UBE2W: variants seen among roughly 807,000 people sequenced by gnomAD.
The protein encoded by UBE2W is ubiquitin conjugating enzyme E2 W.
In UBE2W, 18 loss-of-function variants were observed where a neutral mutation model predicts 27.2. The ratio of observed to expected loss-of-function variants is 0.66; its 90% CI spans 0.46 to 0.98. UBE2W has a LOEUF of 0.98. UBE2W is among the 50% of genes least tolerant of loss of function. The pLI is 0.00. For missense variants in UBE2W, 90 were observed against 180.2 expected (o/e 0.50, Z 2.87); for synonymous variants, 53 against 57.2 (o/e 0.93, Z 0.33).
chr8:73,842,324 T>C (rs914572828), intron 1 of UBE2W, among the ~76,000 whole-genome samples: 5 of 151,624 alleles, frequency 3.3e-5, no homozygotes, highest in African/African-American at 9.7e-5. Flanking sequence ...GTCAGGAGAT[T>C]GAGACCATCC....
In UBE2W at chr8:73,865,519, G is replaced by A. The variant is rs114912812; in HGVS notation, c.15+13289C>T. Among the ~76,000 whole-genome samples the A allele has an allele frequency of 7.6e-3, 1,154 of 152,276 alleles. 21 individuals carry two copies. Among genetic ancestry groups the A allele is most frequent in the African/African-American group, 0.027 (1,120 of 41,560 alleles). On this transcript the variant is annotated intron_variant, in intron 1 of 5. Transcript: ENST00000602593. ...CTCAGTTACTCAGCAGGCTGAGGTG[G>A]GAGAATCGCTTGGGTCCAGGAGGCC...
In UBE2W at chr8:73,878,097, G is replaced by A. The variant is rs575510404; in HGVS notation, c.15+711C>T. Among the ~76,000 whole-genome samples, 5 of 152,332 alleles carry A rather than the reference G, an allele frequency of 3.3e-5. No homozygotes were observed. The East Asian group carries it at 7.7e-4, about 24-fold the overall frequency. ...CAAGCTATCCCGAGAGGTTTAAGGG[G>A]GCTGAGGACTCGGCTCTCGGGAGAT... is the stretch of plus-strand genomic sequence containing the variant. On this transcript the variant is annotated intron_variant, in intron 1 of 5. Transcript: ENST00000602593.
At chr8:73,818,451 A>G (rs528740564) in intron 3 of UBE2W, among the ~76,000 whole-genome samples, 1 of 152,312 alleles carries the variant, frequency 6.6e-6, no homozygotes, top group African/African-American at 2.4e-5. Context: ...AACTTTAAAT[A>G]GGACTATATC....
chr8:73,814,339 C>T (rs574971095), intron 3 of UBE2W, among the ~76,000 whole-genome samples: 4 of 152,096 alleles, frequency 2.6e-5, no homozygotes, highest in South Asian at 2.1e-4. Context: ...AGCAACTTTG[C>T]GAATGTATTC....
chr8:73,828,424 C>T (rs1425359698), intron 2 of UBE2W, among the ~76,000 whole-genome samples: 1 of 152,158 alleles, frequency 6.6e-6, no homozygotes, highest in African/African-American at 2.4e-5. Flanking sequence ...CACTGCACTG[C>T]CTTGACAAAC....
rs1295603022 is a variant in UBE2W at position 73,805,462 on chromosome 8, AAAAAAAAAAC to A, written c.442+179_442+188del. Among the ~76,000 whole-genome samples, 25 of 132,812 alleles carry A rather than the reference AAAAAAAAAAC, an allele frequency of 1.9e-4. 2 individuals carry two copies. Among genetic ancestry groups the A allele is most frequent in the East Asian group, 4.1e-4 (2 of 4,886 alleles). The allele number at this position is 132,812 out of a possible 152,430, so 87.1% of individuals were successfully genotyped here. ...AGAGCAAAACTCCATCTCAAAAAAA[AAAAAAAAAAC>A]AAAAAAAACTAGGGTAATTCATCCA... is the stretch of plus-strand genomic sequence containing the variant. On this transcript the variant is annotated intron_variant, in intron 5 of 5. Coordinates refer to ENST00000602593, the MANE Select transcript of UBE2W (RefSeq NM_018299.6).
intron 1 of UBE2W, among the ~76,000 whole-genome samples, chr8:73,850,757 A>C: frequency 1.3e-5 from 2 of 149,204 alleles, no homozygotes; most frequent in South Asian, 2.1e-4. Flanking sequence ...AAAACAGGAC[A>C]CAGAAGGGGC....
At position 73,793,852 on chromosome 8, in the gene UBE2W, G is replaced by A. The variant is rs1173393048; in HGVS notation, c.*250C>T. 8.2e-7 allele frequency: 1 copy of A among 1,223,408 alleles called. No homozygotes were observed. Among genetic ancestry groups the A allele is most frequent in the African/African-American group, 1.6e-5 (1 of 63,868 alleles). The allele number at this position is 1,223,408 out of a possible 1,614,324, so 75.8% of individuals were successfully genotyped here. On this transcript the variant is annotated 3_prime_UTR_variant, in exon 6 of 6. Coordinates refer to ENST00000602593, the MANE Select transcript of UBE2W (RefSeq NM_018299.6). ...CTTAAAAAAATAAAAATAAAAAATG[G>A]AATTATATTTGACATTTCCTGACAC...
chr8:73,878,751 C>A, intron 1 of UBE2W, 57 bp downstream of exon 1: 1 of 1,465,474 alleles, frequency 6.8e-7, no homozygotes, highest in Non-Finnish European at 9.3e-7. Flanking sequence ...CCCGCCCGAA[C>A]GCTGGCACTC....
intron 5 of UBE2W, among the ~76,000 whole-genome samples, chr8:73,805,430 G>A (rs143417046): frequency 0.19 from 5,357 of 28,794 alleles, 165 homozygotes; most frequent in Non-Finnish European, 0.26. Context: ...CTCCAGCCTG[G>A]GCAACAAGAG....
chr8:73,810,694 C>A, intron 3 of UBE2W, 65 bp from the exon 4 acceptor site: 1 of 1,273,104 alleles, frequency 7.9e-7, no homozygotes, highest in Non-Finnish European at 1.0e-6. Context: ...AAAATATTCT[C>A]CACATATAAC....
At chr8:73,847,600 C>T (rs1339053266) in intron 1 of UBE2W, among the ~76,000 whole-genome samples, 4 of 150,936 alleles carry the variant, frequency 2.7e-5, no homozygotes, top group East Asian at 3.9e-4. Context: ...CCATCATCAA[C>T]GGTAAAACGG....
chr8:73,787,692 C>T lies in UBE2W; in HGVS notation c.*6410G>A, dbSNP rs1808014486. ...CCCTTCTTGTGGTTATTTCTTTCCT[C>T]TTCTTGCAGCTTCAAGAGTCACTCA... On this transcript the variant is annotated 3_prime_UTR_variant, in exon 6 of 6. Transcript: ENST00000602593. The T allele has an allele frequency of 2.0e-6, 2 of 985,408 alleles. No homozygotes were observed. Among genetic ancestry groups the T allele is most frequent in the South Asian group, 9.4e-5 (2 of 21,286 alleles). The allele number at this position is 985,408 out of a possible 1,614,324, so 61.0% of individuals were successfully genotyped here.
At chr8:73,782,738 A>T (rs1264618481), downstream of UBE2W, among the ~76,000 whole-genome samples, 1 of 152,220 alleles carries the variant, frequency 6.6e-6, no homozygotes, top group Non-Finnish European at 1.5e-5. Flanking sequence ...ACATTAGTGT[A>T]CAAGGCCTTT....
At chr8:73,805,455 A>AAAAAAAAACAAAAAAC (rs1808838761) in intron 5 of UBE2W, among the ~76,000 whole-genome samples, 196 bp downstream of exon 5, 1 of 29,524 alleles carries the variant, frequency 3.4e-5, no homozygotes, top group East Asian at 2.2e-3. Context: ...ACTCCATCTC[A>AAAAAAAAACAAAAAAC]AAAAAAAAAA....
In UBE2W at chr8:73,787,421, T is replaced by A; in HGVS notation, c.*6681A>T. ...ACTATGGAAAGTAGAAATTAAGGAT[T>A]ATAATAAAGGAAAAGGGCATCATCA... On this transcript the variant is annotated 3_prime_UTR_variant, in exon 6 of 6. Coordinates refer to ENST00000602593, the MANE Select transcript of UBE2W (RefSeq NM_018299.6). 1 of 985,358 alleles carries A rather than the reference T, an allele frequency of 1.0e-6. No individual in the cohort carries two copies. Among genetic ancestry groups the A allele is most frequent in the African/African-American group, 1.7e-5 (1 of 57,324 alleles). 61.0% of individuals were successfully genotyped at this position (985,358 alleles called of 1,614,324 possible).
chr8:73,788,662 C>T lies in UBE2W; in HGVS notation c.*5440G>A, dbSNP rs1022542989. 3 of 985,248 alleles carry T rather than the reference C, an allele frequency of 3.0e-6. No individual in the cohort carries two copies. The highest frequency in any genetic ancestry group is 6.2e-5 in the Admixed American group (1 of 16,252). The allele number at this position is 985,248 out of a possible 1,614,324, so 61.0% of individuals were successfully genotyped here. ...AGGATTATTAAATCTTTCCATACAC[C>T]AGAAAATCTGACAAGTGATGTCATT... On this transcript the variant is annotated 3_prime_UTR_variant, in exon 6 of 6. Transcript: ENST00000602593.
intron 1 of UBE2W, among the ~76,000 whole-genome samples, chr8:73,856,810 A>C (rs1036325567): frequency 6.6e-6 from 1 of 151,856 alleles, no homozygotes; most frequent in Non-Finnish European, 1.5e-5. Flanking sequence ...GGTTCAAGCC[A>C]TTCTTGTGCC....
In UBE2W at chr8:73,865,510, G is replaced by T. The variant is rs569739890; in HGVS notation, c.15+13298C>A. Among the ~76,000 whole-genome samples the T allele has an allele frequency of 5.9e-5, 9 of 152,314 alleles. No individual in the cohort carries two copies. In the South Asian group the frequency reaches 1.9e-3, roughly 32 times the overall value. ...ACCTGTAGTCTCAGTTACTCAGCAGGCTGAGGTGGGAGAATCGCTTGGGTC... is the reference window on the plus strand; with the variant it reads ...ACCTGTAGTCTCAGTTACTCAGCAGTCTGAGGTGGGAGAATCGCTTGGGTC... On this transcript the variant is annotated intron_variant, in intron 1 of 5. Transcript: ENST00000602593.
Sources: gnomAD v4.1 joint callset for allele counts (sites outside exome capture counted in the v4.1 genomes callset) on GRCh38, gnomAD v4.1.1 for gene constraint, MANE v1.5 for transcripts, NCBI Gene and HGNC (gene_info 2026-07-23, HGNC 2026-07-21) for gene names.